The following AMOTL1 variants were observed in gnomAD, a reference collection of about 807,000 sequenced individuals.
AMOTL1 encodes angiomotin like 1.
AMOTL1 carries 45 observed loss-of-function variants against 102.9 expected under a neutral mutation model. That is an observed-to-expected ratio of 0.44 (90% CI 0.34 to 0.56). The LOEUF is 0.56. Ranked by LOEUF, AMOTL1 falls within the 20% of genes least tolerant of loss-of-function variation. The pLI is 0.01. For missense variants in AMOTL1, 1,114 were observed against 1,225.6 expected (o/e 0.91, Z 1.36); for synonymous variants, 481 against 484.7 (o/e 0.99, Z 0.10).
intron 3 of AMOTL1, among the ~76,000 whole-genome samples, chr11:94,753,306 CTT>C (rs5793697): frequency 0.011 from 1,144 of 108,258 alleles, 15 homozygotes; most frequent in African/African-American, 0.044. Context: ...TGCTTTCCTG[CTT>C]TTTTTTTTTT....
At chr11:94,731,125 A>T (rs1950343128) in intron 2 of AMOTL1, among the ~76,000 whole-genome samples, 2 of 152,210 alleles carry the variant, frequency 1.3e-5, no homozygotes, top group East Asian at 3.8e-4. Flanking sequence ...ACCTGTGTCT[A>T]GGTTTGCCTA....
intron 1 of AMOTL1, among the ~76,000 whole-genome samples, chr11:94,721,393 T>A (rs548337283): frequency 3.9e-4 from 60 of 151,914 alleles, no homozygotes; most frequent in African/African-American, 1.2e-3. Context: ...TTTTTTTTTT[T>A]AAATGTGGTG....
chr11:94,729,858 C>T (rs896760089), intron 2 of AMOTL1, among the ~76,000 whole-genome samples: 1 of 152,142 alleles, frequency 6.6e-6, no homozygotes, highest in Non-Finnish European at 1.5e-5. Context: ...AGAACGAGAG[C>T]AAGATAGACA....
Position 94,799,931 on chromosome 11 carries a change from C to T in AMOTL1, c.741C>T (p.Asp247=), listed in dbSNP as rs532018732. 5.5e-5 allele frequency: 89 copies of T among 1,612,468 alleles called. No homozygotes were observed. In the South Asian group the frequency reaches 6.8e-4, roughly 12 times the overall value. ...NRANSGQAHK[D]EALKELKQGH... Reference sequence around the variant, plus strand: ...CCAACAGTGGACAGGCGCATAAGGACGAGGCGCTGAAGGAACTGAAGCAGG... The same window carrying T: ...CCAACAGTGGACAGGCGCATAAGGATGAGGCGCTGAAGGAACTGAAGCAGG... The change falls in exon 3 of 13, where the codon GAC becomes GAT. Residue 247 remains aspartate (D), a synonymous_variant. Transcript: ENST00000433060. The surrounding 1 kb of genome is among the most constrained non-coding windows in gnomAD (Gnocchi z 4.5).
rs181202175 is a variant in AMOTL1, at chr11:94,730,493, A to G, written c.85+1438A>G. On this transcript the variant is annotated intron_variant, in intron 2 of 4. Coordinates refer to the AMOTL1 transcript ENST00000299004. ...TCTCCTCCCTCCTCAGTGCTGCCAT[A>G]GCCTCTGCAGATTCCCATGTCACAG... Among the ~76,000 whole-genome samples the G allele has an allele frequency of 5.8e-3, 876 of 152,214 alleles. 9 individuals carry two copies. The highest frequency in any genetic ancestry group is 0.018 in the African/African-American group (752 of 41,542).
chr11:94,813,074 T>C (rs1487659952), intron 3 of AMOTL1, among the ~76,000 whole-genome samples: 1 of 152,236 alleles, frequency 6.6e-6, no homozygotes, highest in Non-Finnish European at 1.5e-5. Context: ...AGCCTTATAT[T>C]TTCCTTTTAA....
intron 11 of AMOTL1, 81 bp downstream of exon 11, chr11:94,866,249 G>T: frequency 7.3e-7 from 1 of 1,373,260 alleles, no homozygotes; most frequent in Non-Finnish European, 1.0e-6. Flanking sequence ...ACACGGAAAT[G>T]TCCCTGAATA....
rs1281430239 is a variant in AMOTL1, at chr11:94,745,209, A to G, written c.136+4221A>G. 9.7e-5 allele frequency among the ~76,000 whole-genome samples: 9 copies of G among 92,600 alleles called. 1 individual carries two copies. The South Asian group carries it at 3.4e-3, about 35-fold the overall frequency. The allele number at this position is 92,600 out of a possible 152,430, so 60.7% of individuals were successfully genotyped here. On this transcript the variant is annotated intron_variant, in intron 3 of 4. Transcript: ENST00000299004. Reference sequence around the variant, plus strand: ...CAATGCTATCCCTCCCCCATCCCCCATACATTATGACATTATGACATAATG... The same window carrying G: ...CAATGCTATCCCTCCCCCATCCCCCGTACATTATGACATTATGACATAATG...
upstream of AMOTL1, chr11:94,768,333 C>A: frequency 1.5e-6 from 2 of 1,366,018 alleles, no homozygotes; most frequent in Non-Finnish European, 1.9e-6. Flanking sequence ...GCGCGGGGAG[C>A]GGGGAGCGCG....
At chr11:94,850,314 G>A in intron 7 of AMOTL1, 55 bp downstream of exon 7, 1 of 1,511,772 alleles carries the variant, frequency 6.6e-7, no homozygotes, top group Non-Finnish European at 8.8e-7. Flanking sequence ...AGCCCAGAGG[G>A]CTTCCACTTT....
At chr11:94,802,209 T>C (rs3847555) in intron 3 of AMOTL1, among the ~76,000 whole-genome samples, 40,308 of 152,168 alleles carry the variant, frequency 0.26, 5,903 homozygotes, top group East Asian at 0.46. Context: ...AGGAGGCTCT[T>C]CTTCCCCCTT....
At chr11:94,711,358 C>T (rs1044796455) in intron 1 of AMOTL1, among the ~76,000 whole-genome samples, 6 of 152,050 alleles carry the variant, frequency 3.9e-5, no homozygotes, top group South Asian at 2.1e-4. Context: ...ACCCAGCCTT[C>T]GCCACTGTTA....
chr11:94,864,669 G>A, intron 9 of AMOTL1, 66 bp from the exon 10 acceptor site: 2 of 1,569,032 alleles, frequency 1.3e-6, no homozygotes, highest in East Asian at 2.3e-5. Flanking sequence ...TCCATTCTGT[G>A]TCTGTTTGCA....
At chr11:94,774,879 T>C (rs1032349516) in intron 1 of AMOTL1, among the ~76,000 whole-genome samples, 10 of 152,226 alleles carry the variant, frequency 6.6e-5, no homozygotes, top group African/African-American at 2.2e-4. Flanking sequence ...TCTAAGGTTA[T>C]TAGTTGATAT....
Position 94,779,424 on chromosome 11 carries a change from C to T in AMOTL1, c.49+10864C>T, listed in dbSNP as rs529912081. On this transcript the variant is annotated intron_variant, in intron 1 of 12. Coordinates refer to ENST00000433060, the MANE Select transcript of AMOTL1 (RefSeq NM_130847.3). ...GAGAGGCATATAGATAATACAAGTACGCAAGATAGTTTTCTTCCAAGAAGA... is the reference window on the plus strand; with the variant it reads ...GAGAGGCATATAGATAATACAAGTATGCAAGATAGTTTTCTTCCAAGAAGA... 4.6e-5 allele frequency among the ~76,000 whole-genome samples: 7 copies of T among 152,182 alleles called. 1 individual carries two copies. The South Asian group carries it at 8.3e-4, about 18-fold the overall frequency.
intron 12 of AMOTL1, among the ~76,000 whole-genome samples, 163 bp downstream of exon 12, chr11:94,869,636 G>A (rs558245211): frequency 9.2e-5 from 14 of 152,298 alleles, no homozygotes; most frequent in African/African-American, 2.6e-4. Flanking sequence ...TTCTTATTAC[G>A]GGAATAAATA....
intron 1 of AMOTL1, among the ~76,000 whole-genome samples, chr11:94,711,720 C>T (rs908998127): frequency 6.6e-6 from 1 of 152,096 alleles, no homozygotes; most frequent in African/African-American, 2.4e-5. Context: ...TTCCATTCAG[C>T]ATAATAATCT....
intron 3 of AMOTL1, among the ~76,000 whole-genome samples, chr11:94,812,591 A>G (rs960032358): frequency 3.5e-4 from 53 of 152,296 alleles, no homozygotes; most frequent in Non-Finnish European, 7.6e-4. Context: ...CTTGTGGGCA[A>G]ATTGTGAGGA....
At chr11:94,768,935 C>A (rs1212512585) in intron 1 of AMOTL1, among the ~76,000 whole-genome samples, 1 of 151,966 alleles carries the variant, frequency 6.6e-6, no homozygotes, top group Non-Finnish European at 1.5e-5. Context: ...AGGGAGGGGA[C>A]GGAAGGGGGT....
Sources: allele counts gnomAD v4.1 joint callset (sites outside exome capture counted in the v4.1 genomes callset), GRCh38; gene constraint gnomAD v4.1.1; non-coding constraint Gnocchi (gnomAD v3.1); transcripts MANE v1.5; gene names NCBI Gene and HGNC (gene_info 2026-07-23, HGNC 2026-07-21).